The following SPAG16 variants were observed in gnomAD, a reference collection of about 807,000 sequenced individuals.
The protein encoded by SPAG16 is sperm associated antigen 16.
A neutral mutation model predicts 80.4 loss-of-function variants in SPAG16; 86 were observed. The ratio of observed to expected loss-of-function variants is 1.07; its 90% CI spans 0.90 to 1.28. SPAG16 has a LOEUF of 1.28. Among genes scored for constraint, SPAG16 ranks in the 50% most tolerant of loss-of-function variants. The pLI is 0.00. For synonymous variants in SPAG16, 294 were observed against 265.9 expected (o/e 1.11, Z -1.03); for missense variants, 870 against 765.3 (o/e 1.14, Z -1.61).
intron 13 of SPAG16, among the ~76,000 whole-genome samples, chr2:214,102,519 G>C (rs553859792): frequency 6.6e-6 from 1 of 152,158 alleles, no homozygotes; most frequent in East Asian, 1.9e-4. Flanking sequence ...GTTCCTTCCA[G>C]TTTATGCTGC....
intron 15 of SPAG16, among the ~76,000 whole-genome samples, chr2:214,177,912 TATAC>T (rs1553519929): frequency 3.6e-5 from 3 of 83,200 alleles, no homozygotes; most frequent in Non-Finnish European, 6.4e-5. Context: ...TATATATATA[TATAC>T]ATATATATAT....
At chr2:213,471,049 C>G (rs2073050324) in intron 9 of SPAG16, among the ~76,000 whole-genome samples, 2 of 152,256 alleles carry the variant, frequency 1.3e-5, no homozygotes, top group African/African-American at 4.8e-5. Context: ...GCTCAAAGTT[C>G]TGCCTACTGG....
chr2:213,609,043 C>A (rs1436423209), intron 10 of SPAG16, among the ~76,000 whole-genome samples: 1 of 152,208 alleles, frequency 6.6e-6, no homozygotes, highest in Admixed American at 6.5e-5. Flanking sequence ...AGCAGACGAT[C>A]TTTTAAAAGA....
intron 15 of SPAG16, among the ~76,000 whole-genome samples, chr2:214,396,857 T>C (rs914387475): frequency 1.3e-5 from 2 of 152,038 alleles, no homozygotes; most frequent in African/African-American, 2.4e-5. Context: ...ATGTGCAAAG[T>C]TGCCACTGAA....
intron 10 of SPAG16, among the ~76,000 whole-genome samples, chr2:213,723,916 G>A (rs533294712): frequency 3.9e-5 from 6 of 152,276 alleles, no homozygotes; most frequent in African/African-American, 1.2e-4. Flanking sequence ...TGCCTCATCA[G>A]CATGTTTATA....
At chr2:214,311,994 T>G (rs1284005786) in intron 15 of SPAG16, among the ~76,000 whole-genome samples, 2 of 152,240 alleles carry the variant, frequency 1.3e-5, no homozygotes, top group Non-Finnish European at 1.5e-5. Context: ...TGAAATGAGT[T>G]AATACTGACA....
chr2:213,579,362 C>T (rs1173706399), intron 10 of SPAG16, among the ~76,000 whole-genome samples: 1 of 152,124 alleles, frequency 6.6e-6, no homozygotes, highest in African/African-American at 2.4e-5. Context: ...GTCTTCAGGT[C>T]TCAGCAGCTT....
At chr2:213,740,761 C>T (rs1251708414) in intron 10 of SPAG16, among the ~76,000 whole-genome samples, 1 of 152,116 alleles carries the variant, frequency 6.6e-6, no homozygotes, top group Non-Finnish European at 1.5e-5. Flanking sequence ...TGGCTGAACA[C>T]CCAAGAGTGT....
chr2:213,712,349 T>A (rs963167295), intron 10 of SPAG16, among the ~76,000 whole-genome samples: 1 of 152,132 alleles, frequency 6.6e-6, no homozygotes, highest in African/African-American at 2.4e-5. Context: ...TTGTTCTATA[T>A]CCTTTGAAAA....
At chr2:213,665,731 A>G (rs1003255766) in intron 10 of SPAG16, among the ~76,000 whole-genome samples, 1 of 152,178 alleles carries the variant, frequency 6.6e-6, no homozygotes, top group African/African-American at 2.4e-5. Context: ...ATTAATTAAC[A>G]TTGAATTCAT....
intron 10 of SPAG16, among the ~76,000 whole-genome samples, chr2:213,677,089 C>T (rs927024506): frequency 1.3e-5 from 2 of 152,062 alleles, no homozygotes; most frequent in African/African-American, 2.4e-5. Context: ...AGAGATTCAA[C>T]TTCTTCCTGG....
At chr2:213,708,899 G>T (rs1574893069) in intron 10 of SPAG16, among the ~76,000 whole-genome samples, 1 of 152,122 alleles carries the variant, frequency 6.6e-6, no homozygotes, top group East Asian at 1.9e-4. Flanking sequence ...GTTTACAACT[G>T]GGAAAGCAGA....
At chr2:213,719,681 G>C (rs1204106284) in intron 10 of SPAG16, among the ~76,000 whole-genome samples, 1 of 152,256 alleles carries the variant, frequency 6.6e-6, no homozygotes, top group East Asian at 1.9e-4. Context: ...AAAAAGTCAG[G>C]AAACAACAGA....
In SPAG16 at chr2:213,593,729, C is replaced by T. The variant is rs1275031365; in HGVS notation, c.1070+103639C>T. 2.2e-5 allele frequency among the ~76,000 whole-genome samples: 3 copies of T among 133,972 alleles called. No individual in the cohort carries two copies. In the East Asian group the frequency reaches 6.8e-4, roughly 30 times the overall value. The allele number at this position is 133,972 out of a possible 152,430, so 87.9% of individuals were successfully genotyped here. ...GAATCAAAGTAGATTTCTCATACCCCATCATCCCCACCACATCTTTTTTTT... is the reference window on the plus strand; with the variant it reads ...GAATCAAAGTAGATTTCTCATACCCTATCATCCCCACCACATCTTTTTTTT... On this transcript the variant is annotated intron_variant, in intron 10 of 15. Transcript: ENST00000331683.
chr2:213,364,134 C>A lies in SPAG16; in HGVS notation c.821C>A (p.Pro274His). The change falls in exon 8 of 16, where the codon CCT becomes CAT. Residue 274 changes from proline to histidine, a missense_variant. Physicochemically the swap from Pro to His is moderately conservative, Grantham distance 77. Coordinates refer to ENST00000331683, the MANE Select transcript of SPAG16 (RefSeq NM_024532.5). The stretch of plus-strand genomic sequence containing the variant: ...CAAAGAGGACATAGTTACCATGGTC[C>A]TCAAATTAAAGGTAAATGTAAAATG... ...KLQRGHSYHG[P>H]QIKVDHSREK... 1 of 1,512,866 alleles carries A rather than the reference C, an allele frequency of 6.6e-7. No homozygotes were observed. The highest frequency in any genetic ancestry group is 1.4e-5 in the South Asian group (1 of 72,760). 93.7% of individuals were successfully genotyped at this position (1,512,866 alleles called of 1,614,324 possible).
chr2:213,752,630 C>T (rs996291117), intron 10 of SPAG16, among the ~76,000 whole-genome samples: 1 of 152,172 alleles, frequency 6.6e-6, no homozygotes, highest in Non-Finnish European at 1.5e-5. Context: ...TACTGACATT[C>T]CTCTGTTGCC....
chr2:214,383,754 T>C (rs1401015699), intron 15 of SPAG16, among the ~76,000 whole-genome samples: 1 of 151,970 alleles, frequency 6.6e-6, no homozygotes, highest in Non-Finnish European at 1.5e-5. Flanking sequence ...GGGAGAGAGA[T>C]TATGTAAACC....
At chr2:213,718,492 G>A (rs1019566852) in intron 10 of SPAG16, among the ~76,000 whole-genome samples, 4 of 152,206 alleles carry the variant, frequency 2.6e-5, no homozygotes, top group African/African-American at 9.6e-5. Context: ...GGTGTGGAGG[G>A]AGAGGCACCA....
intron 10 of SPAG16, among the ~76,000 whole-genome samples, chr2:213,742,553 T>TTG (rs61548174): frequency 0.84 from 110,365 of 131,378 alleles, 46,332 homozygotes; most frequent in East Asian, 0.94. Context: ...ATTTCTTTTT[T>TTG]TTTTTTTTTT....
Sources: allele counts gnomAD v4.1 joint callset (sites outside exome capture counted in the v4.1 genomes callset), GRCh38; gene constraint gnomAD v4.1.1; transcripts MANE v1.5; gene names NCBI Gene and HGNC (gene_info 2026-07-23, HGNC 2026-07-21).